NOX4: variants seen among roughly 807,000 people sequenced by gnomAD.
The protein encoded by NOX4 is kidney oxidase-1.
In NOX4, 69 loss-of-function variants were observed where a neutral mutation model predicts 87.6. The observed-to-expected ratio is 0.79, with a 90% CI of 0.65 to 0.96. NOX4 has a LOEUF of 0.96. NOX4 is among the 40% of genes least tolerant of loss of function. NOX4 has a pLI of 0.00. For missense variants in NOX4, 680 were observed against 681.5 expected (o/e 1.00, Z 0.02); for synonymous variants, 275 against 238.2 (o/e 1.15, Z -1.42).
At chr11:89,560,990 C>CTATATA in the NOX4 span, among the ~76,000 whole-genome samples, 6 of 73,480 alleles carry the variant, frequency 8.2e-5, no homozygotes, top group Admixed American at 3.1e-4. Flanking sequence ...CTCTCTCTCT[C>CTATATA]TCTCTCTATA....
At chr11:89,362,794 C>G (rs1381411333) in intron 12 of NOX4, among the ~76,000 whole-genome samples, 1 of 151,896 alleles carries the variant, frequency 6.6e-6, no homozygotes, top group Non-Finnish European at 1.5e-5. Context: ...AAACACCACA[C>G]CAATGCAGAC....
At chr11:89,469,158 C>T (rs1010145873) in intron 2 of NOX4, among the ~76,000 whole-genome samples, 1 of 152,152 alleles carries the variant, frequency 6.6e-6, no homozygotes, top group Admixed American at 6.6e-5. Flanking sequence ...GGCAAATTAA[C>T]TTTCAAATGA....
intron 2 of NOX4, among the ~76,000 whole-genome samples, chr11:89,472,966 C>G (rs1946010978): frequency 6.6e-6 from 1 of 152,168 alleles, no homozygotes; most frequent in East Asian, 1.9e-4. Flanking sequence ...TAAACACTGC[C>G]TTCACTTTTC....
Position 89,400,097 on chromosome 11 carries a change from G to C in NOX4, c.1012-18C>G. On this transcript the variant is annotated intron_variant, in intron 10 of 17. Transcript: ENST00000263317. ...GTAATATACTAAAAAGCAACAAACA[G>C]ATAAGTTTTAAATGACCAATTAAGA... The C allele has an allele frequency of 6.3e-7, 1 of 1,593,060 alleles. No individual in the cohort carries two copies. The highest frequency in any genetic ancestry group is 8.6e-7 in the Non-Finnish European group (1 of 1,165,952).
At chr11:89,530,511 T>A in the NOX4 span, among the ~76,000 whole-genome samples, 1 of 139,478 alleles carries the variant, frequency 7.2e-6, no homozygotes, top group African/African-American at 2.9e-5. Flanking sequence ...TCTGTCTACT[T>A]TTTTTTTTTT....
At chr11:89,511,739 A>ATTTTTCAGGCTTCTT in the NOX4 span, among the ~76,000 whole-genome samples, 1 of 123,592 alleles carries the variant, frequency 8.1e-6, no homozygotes, top group Admixed American at 1.1e-4. Context: ...CACTTAAATT[A>ATTTTTCAGGCTTCTT]TTTTTCAGGT....
At chr11:89,587,296 G>A in the NOX4 span, among the ~76,000 whole-genome samples, 8 of 152,160 alleles carry the variant, frequency 5.3e-5, no homozygotes, top group Admixed American at 3.9e-4. Context: ...TGGTGATGCC[G>A]CTATATAGGT....
intron 3 of NOX4, among the ~76,000 whole-genome samples, chr11:89,449,851 C>T (rs2135383690): frequency 6.6e-6 from 1 of 152,228 alleles, no homozygotes; most frequent in Admixed American, 6.5e-5. Context: ...GCACTTACCA[C>T]AAATTGTCAT....
the NOX4 span, among the ~76,000 whole-genome samples, chr11:89,543,590 T>C: frequency 1.3e-5 from 2 of 152,096 alleles, no homozygotes; most frequent in Admixed American, 1.3e-4. Flanking sequence ...ATGATAAATA[T>C]GCAAATATCT....
intron 8 of NOX4, among the ~76,000 whole-genome samples, chr11:89,411,928 C>T (rs531962142): frequency 6.6e-6 from 1 of 152,240 alleles, no homozygotes; most frequent in Non-Finnish European, 1.5e-5. Context: ...AAGAAACACA[C>T]TTCACCTATG....
intron 2 of NOX4, among the ~76,000 whole-genome samples, chr11:89,463,626 C>T (rs532774237): frequency 2.4e-3 from 362 of 151,930 alleles, no homozygotes; most frequent in Non-Finnish European, 3.8e-3. Flanking sequence ...AATATAGTTC[C>T]TGAAAGGGAG....
At chr11:89,338,455 A>C (rs985139944) in intron 15 of NOX4, among the ~76,000 whole-genome samples, 1 of 152,088 alleles carries the variant, frequency 6.6e-6, no homozygotes, top group African/African-American at 2.4e-5. Context: ...GGGCATTGGC[A>C]TACAAATATC....
intron 13 of NOX4, among the ~76,000 whole-genome samples, chr11:89,351,188 A>G (rs1020216050): frequency 6.6e-6 from 1 of 152,250 alleles, no homozygotes; most frequent in Non-Finnish European, 1.5e-5. Context: ...TGATTAAACC[A>G]GCCACAACAC....
chr11:89,326,153 G>A lies in NOX4; in HGVS notation c.*603C>T, dbSNP rs1186376617. ...AGATACTATAACAACATTTGAGGAA[G>A]GTTCAGTTAGCATATAGTCTTCAGA... On this transcript the variant is annotated 3_prime_UTR_variant, in exon 18 of 18. Transcript: ENST00000263317. The A allele has an allele frequency of 1.3e-5, 2 of 151,792 alleles. No homozygotes were observed. The highest frequency in any genetic ancestry group is 4.8e-5 in the African/African-American group (2 of 41,390). The allele number at this position is 151,792 out of a possible 1,614,324, so 9.4% of individuals were successfully genotyped here.
chr11:89,356,950 C>T (rs1006805873), intron 12 of NOX4, among the ~76,000 whole-genome samples: 11 of 152,252 alleles, frequency 7.2e-5, no homozygotes, highest in African/African-American at 4.8e-5. Context: ...GATACGGTCG[C>T]ACAGTCAGGC....
the NOX4 span, among the ~76,000 whole-genome samples, chr11:89,578,851 A>C: frequency 6.6e-6 from 1 of 152,236 alleles, no homozygotes; most frequent in Non-Finnish European, 1.5e-5. Flanking sequence ...GGAATTTCAC[A>C]TGAGTATCTT....
At chr11:89,494,530 G>A (rs577489106), upstream of NOX4, among the ~76,000 whole-genome samples, 1 of 152,190 alleles carries the variant, frequency 6.6e-6, no homozygotes, top group Non-Finnish European at 1.5e-5. Context: ...TTTTATTCTA[G>A]GACTTAGCAC....
At position 89,342,127 on chromosome 11, in the gene NOX4, G is replaced by A. The variant is rs754462984; in HGVS notation, c.1284C>T (p.Cys428=). 50 of 1,610,312 alleles carry A rather than the reference G, an allele frequency of 3.1e-5. No individual in the cohort carries two copies. Among genetic ancestry groups the A allele is most frequent in the African/African-American group, 9.4e-5 (7 of 74,832 alleles). ...EESLNYEVSL[C]VAGGIGVTPF... ...GAGTTACTCCAATGCCTCCAGCCAC[G>A]CAGAGGCTGACCTCATAGTTCAGTG... Residue 428 remains cysteine, a synonymous_variant, in exon 14 of 18, where the codon TGC becomes TGT. Coordinates refer to ENST00000263317, the MANE Select transcript of NOX4 (RefSeq NM_016931.5).
At chr11:89,363,753 C>T (rs1025421971) in intron 12 of NOX4, among the ~76,000 whole-genome samples, 2 of 152,020 alleles carry the variant, frequency 1.3e-5, no homozygotes, top group African/African-American at 4.8e-5. Context: ...GCATACATCT[C>T]CCTACTGAAA....
Sources: allele counts gnomAD v4.1 joint callset (sites outside exome capture counted in the v4.1 genomes callset), GRCh38; gene constraint gnomAD v4.1.1; transcripts MANE v1.5; gene names NCBI Gene and HGNC (gene_info 2026-07-23, HGNC 2026-07-21).